Variants in CPPED1 observed in about 807,000 individuals in gnomAD.
CPPED1 encodes calcineurin like phosphoesterase domain containing 1.
CPPED1 carries 28 observed loss-of-function variants against 28.0 expected under a neutral mutation model. That is an observed-to-expected ratio of 1.00 (90% CI 0.74 to 1.37). The LOEUF is 1.37. Ranked by LOEUF, CPPED1 falls within the 40% of genes most tolerant of loss-of-function variation. The pLI is 0.00. For synonymous variants in CPPED1, 198 were observed against 180.2 expected (o/e 1.10, Z -0.79); for missense variants, 504 against 416.5 (o/e 1.21, Z -1.83).
intron 1 of CPPED1, among the ~76,000 whole-genome samples, chr16:12,791,234 G>C (rs533474075): frequency 6.0e-4 from 91 of 151,846 alleles, no homozygotes; most frequent in African/African-American, 2.1e-3. Context: ...CCTCCCAACA[G>C]GCCCTGGTGT....
At chr16:12,714,823 T>C (rs1003136434) in intron 2 of CPPED1, among the ~76,000 whole-genome samples, 1 of 152,218 alleles carries the variant, frequency 6.6e-6, no homozygotes, top group Non-Finnish European at 1.5e-5. Flanking sequence ...CTATTTTCTG[T>C]TTTGTCACCT....
intron 3 of CPPED1, among the ~76,000 whole-genome samples, chr16:12,681,814 C>T (rs892318882): frequency 2.0e-5 from 3 of 152,120 alleles, no homozygotes; most frequent in African/African-American, 7.2e-5. Flanking sequence ...CCACTTCCAC[C>T]CACCGCATCT....
intron 2 of CPPED1, among the ~76,000 whole-genome samples, chr16:12,758,982 G>A (rs1371987477): frequency 2.0e-5 from 3 of 151,652 alleles, no homozygotes; most frequent in Non-Finnish European, 4.4e-5. Flanking sequence ...GGGCAACACG[G>A]CAAGACCCCA....
chr16:12,720,743 G>A (rs1481643552), intron 2 of CPPED1, among the ~76,000 whole-genome samples: 1 of 152,224 alleles, frequency 6.6e-6, no homozygotes, highest in East Asian at 1.9e-4. Context: ...CTTCAAAAGT[G>A]CTGGGATTAC....
chr16:12,744,772 C>T lies in CPPED1; in HGVS notation c.289+36413G>A, dbSNP rs187985594. Among the ~76,000 whole-genome samples the T allele has an allele frequency of 5.6e-3, 858 of 152,252 alleles. 2 individuals are homozygous for T. The highest frequency in any genetic ancestry group is 8.1e-3 in the Non-Finnish European group (551 of 68,006). On this transcript the variant is annotated intron_variant, in intron 2 of 3. Coordinates refer to ENST00000381774, the MANE Select transcript of CPPED1 (RefSeq NM_018340.3). ...GAGGCAGGCAGACTGCTTGAGCTCA[C>T]AAGTTCAAGACCAGCCTCCTGGGCA...
At chr16:12,791,543 T>C (rs532989148) in intron 1 of CPPED1, among the ~76,000 whole-genome samples, 17 of 152,312 alleles carry the variant, frequency 1.1e-4, no homozygotes, top group Non-Finnish European at 1.2e-4. Context: ...AGTTGCATCA[T>C]TCCACGTCTA....
At chr16:12,734,352 G>GT (rs553049968) in intron 2 of CPPED1, among the ~76,000 whole-genome samples, 212 of 151,360 alleles carry the variant, frequency 1.4e-3, no homozygotes, top group African/African-American at 5.0e-3. Context: ...TTACAGGCAT[G>GT]AGTCACTGCA....
At chr16:12,678,400 C>T (rs1363475781) in intron 3 of CPPED1, among the ~76,000 whole-genome samples, 1 of 152,108 alleles carries the variant, frequency 6.6e-6, no homozygotes, top group Non-Finnish European at 1.5e-5. Context: ...TGCATTTCCA[C>T]GGAAATTTTA....
chr16:12,778,362 A>C (rs1278866093), intron 2 of CPPED1, among the ~76,000 whole-genome samples: 1 of 134,510 alleles, frequency 7.4e-6, no homozygotes, highest in Admixed American at 8.6e-5. Flanking sequence ...TGCAACCTCC[A>C]CCTCCTGGGT....
At chr16:12,774,382 C>T (rs1164731515) in intron 2 of CPPED1, among the ~76,000 whole-genome samples, 2 of 151,752 alleles carry the variant, frequency 1.3e-5, no homozygotes, top group Non-Finnish European at 2.9e-5. Flanking sequence ...GCAGGAGAAT[C>T]ACTTGAACCC....
chr16:12,692,725 A>G (rs1416287844), intron 3 of CPPED1, among the ~76,000 whole-genome samples: 1 of 152,236 alleles, frequency 6.6e-6, no homozygotes, highest in Non-Finnish European at 1.5e-5. Context: ...TCTCTCAAGA[A>G]GCCTGTTCAT....
At chr16:12,674,454 T>A (rs2079868174) in intron 3 of CPPED1, among the ~76,000 whole-genome samples, 1 of 152,094 alleles carries the variant, frequency 6.6e-6, no homozygotes, top group African/African-American at 2.4e-5. Context: ...GGTTTCTGAG[T>A]CTATTTCTCA....
At chr16:12,669,401 C>T (rs1189501490) in intron 3 of CPPED1, among the ~76,000 whole-genome samples, 2 of 152,072 alleles carry the variant, frequency 1.3e-5, no homozygotes, top group African/African-American at 2.4e-5. Flanking sequence ...GCAATTAGAT[C>T]ACGGTGATAC....
intron 3 of CPPED1, among the ~76,000 whole-genome samples, chr16:12,669,006 G>A (rs889235110): frequency 5.3e-5 from 8 of 152,184 alleles, no homozygotes; most frequent in Admixed American, 4.6e-4. Flanking sequence ...GAAAACATTT[G>A]CCCATGCAAA....
At chr16:12,803,668 GC>G in intron 1 of CPPED1, 38 bp downstream of exon 1, 2 of 1,447,068 alleles carry the variant, frequency 1.4e-6, no homozygotes, top group Non-Finnish European at 1.8e-6. Context: ...AGGTTCCGCA[GC>G]CCCAGAGTCC....
chr16:12,706,458 C>A (rs1182649095), intron 2 of CPPED1, among the ~76,000 whole-genome samples: 1 of 148,202 alleles, frequency 6.7e-6, no homozygotes, highest in East Asian at 2.0e-4. Context: ...CTGCCTCTCT[C>A]CCTTCCTTCC....
chr16:12,736,165 A>T (rs1229957061), intron 2 of CPPED1, among the ~76,000 whole-genome samples: 1 of 152,090 alleles, frequency 6.6e-6, no homozygotes, highest in Non-Finnish European at 1.5e-5. Flanking sequence ...CCAAACTCAG[A>T]AGTGGGCTGT....
intron 2 of CPPED1, among the ~76,000 whole-genome samples, chr16:12,748,053 C>T (rs757326988): frequency 3.9e-5 from 6 of 152,096 alleles, no homozygotes; most frequent in Non-Finnish European, 8.8e-5. Context: ...TTCTGCTATG[C>T]GTATAAATTA....
Position 12,709,910 on chromosome 16 carries a change from A to G in CPPED1, c.290-4861T>C, listed in dbSNP as rs1339376130. 4.8e-5 allele frequency among the ~76,000 whole-genome samples: 1 copy of G among 20,938 alleles called. No homozygotes were observed. Among genetic ancestry groups the G allele is most frequent in the Non-Finnish European group, 8.1e-5 (1 of 12,316 alleles). The allele number at this position is 20,938 out of a possible 152,430, so 13.7% of individuals were successfully genotyped here. A position where few individuals can be genotyped will look rare whatever the true frequency, so the allele number is the denominator to read the frequency against. On this transcript the variant is annotated intron_variant, in intron 2 of 3. Transcript: ENST00000381774. The surrounding 1 kb of genome is among the most constrained non-coding windows in gnomAD (Gnocchi z 4.4). ...GGGAAGGAAGGGAAAGACGGGGGGA[A>G]GGAAGGGAAGGAAGGGAAGGAAGGG...
Sources: gnomAD v4.1 joint callset for allele counts (sites outside exome capture counted in the v4.1 genomes callset) on GRCh38, gnomAD v4.1.1 for gene constraint, Gnocchi (gnomAD v3.1) non-coding constraint, MANE v1.5 for transcripts, NCBI Gene and HGNC (gene_info 2026-07-23, HGNC 2026-07-21) for gene names.